Variants in MRPL37 observed in about 807,000 individuals in gnomAD.
MRPL37 encodes the protein large ribosomal subunit protein mL37.
MRPL37 carries 34 observed loss-of-function variants against 44.1 expected under a neutral mutation model. That is an observed-to-expected ratio of 0.77 (90% CI 0.59 to 1.03). MRPL37 has a LOEUF of 1.03. MRPL37 is among the 50% of genes least tolerant of loss of function. MRPL37 has a pLI of 0.00. For synonymous variants in MRPL37, 212 were observed against 219.5 expected (o/e 0.97, Z 0.30); for missense variants, 532 against 543.7 (o/e 0.98, Z 0.21).
intron 6 of MRPL37, among the ~76,000 whole-genome samples, chr1:54,217,689 T>C (rs1644207631): frequency 6.6e-6 from 1 of 152,220 alleles, no homozygotes; most frequent in Non-Finnish European, 1.5e-5. Flanking sequence ...TGCTTTCTTC[T>C]TTTTCCTACT....
rs755853293 is a variant in MRPL37 at position 54,209,991 on chromosome 1, G to A, written c.692G>A (p.Ser231Asn). The A allele has an allele frequency of 1.9e-6, 3 of 1,614,182 alleles. No individual in the cohort carries two copies. The South Asian group carries it at 3.3e-5, about 18-fold the overall frequency. The change falls in exon 4 of 7, where the codon AGC (serine) becomes AAC (asparagine). Residue 231 changes from serine to asparagine, a missense_variant. Coordinates refer to ENST00000360840, the MANE Select transcript of MRPL37 (RefSeq NM_016491.4). ...QVRGSGGARLSTKDPLPTIAS... is the reference protein window; with the variant it reads ...QVRGSGGARLNTKDPLPTIAS... ...CGTGGTTCTGGTGGAGCCCGACTGA[G>A]CACTAAGGATCCTCTGCCCACCATC...
At position 54,218,239 on chromosome 1, in the gene MRPL37, G is replaced by A. The variant is rs768008636; in HGVS notation, c.1262G>A (p.Gly421Asp). The change falls in exon 7 of 7, where the codon GGT (glycine) becomes GAT (aspartate). Residue 421 changes from glycine to aspartate, a missense_variant. Coordinates refer to ENST00000360840, the MANE Select transcript of MRPL37 (RefSeq NM_016491.4). ...FRKFLALYLH[G>D]AA is the part of the protein sequence containing the mutation. ...AAGTTTTTAGCTCTATATTTGCATG[G>A]TGCTGCGTGAGCGGAGGACCCCTCT... is the stretch of plus-strand genomic sequence containing the variant. 6.2e-7 allele frequency: 1 copy of A among 1,614,188 alleles called. No individual in the cohort carries two copies. The highest frequency in any genetic ancestry group is 1.7e-5 in the Admixed American group (1 of 60,032).
chr1:54,212,432 A>T (rs1261496557), intron 4 of MRPL37, 69 bp from the exon 5 acceptor site: 8 of 1,567,396 alleles, frequency 5.1e-6, no homozygotes, highest in Non-Finnish European at 7.0e-6. Context: ...AGGCGAGGTG[A>T]CTTTCCTGAG....
chr1:54,200,608 C>A lies in MRPL37; in HGVS notation c.346+19C>A. The A allele has an allele frequency of 1.9e-6, 3 of 1,572,596 alleles. No homozygotes were observed. Among genetic ancestry groups the A allele is most frequent in the Non-Finnish European group, 2.6e-6 (3 of 1,155,160 alleles). The stretch of plus-strand genomic sequence containing the variant: ...CTCGAGGGTGAGGCCCCAGGACGGG[C>A]GGCAAGGGACCGTGTTCCTCTAACC... On this transcript the variant is annotated intron_variant, in intron 1 of 6. Transcript: ENST00000360840.
chr1:54,218,401 G>C, downstream of MRPL37: 1 of 1,495,060 alleles, frequency 6.7e-7, no homozygotes, highest in Non-Finnish European at 8.8e-7. Context: ...TTTGGTATGA[G>C]GGTGCCATCG....
At chr1:54,208,899 C>G (rs1295896815) in intron 3 of MRPL37, among the ~76,000 whole-genome samples, 4 of 152,034 alleles carry the variant, frequency 2.6e-5, no homozygotes, top group African/African-American at 9.7e-5. Context: ...TAAGTAGAAG[C>G]CAGGATGCTG....
chr1:54,212,135 G>A (rs1644169546), intron 4 of MRPL37, among the ~76,000 whole-genome samples: 1 of 152,236 alleles, frequency 6.6e-6, no homozygotes, highest in Non-Finnish European at 1.5e-5. Flanking sequence ...AAGGTGTGGA[G>A]TTAGAACTAG....
At chr1:54,223,138 C>T (rs1644246631), downstream of MRPL37, among the ~76,000 whole-genome samples, 2 of 152,238 alleles carry the variant, frequency 1.3e-5, no homozygotes, top group South Asian at 2.1e-4. Context: ...CAGCACCCAC[C>T]CTCGTTGGTC....
rs1424176091 is a variant in MRPL37 at position 54,205,328 on chromosome 1, T to C, written c.564T>C (p.Cys188=). ...TCGTGGACAACCTAATACAGCTGTG[T>C]AAATCTCAGATTCTCAAGCATCCTT... The part of the protein sequence containing the change: ...PVIVDNLIQL[C]KSQILKHPSL... The change falls in exon 3 of 7, where the codon TGT becomes TGC. Residue 188 remains cysteine (C), a synonymous_variant. Coordinates refer to ENST00000360840, the MANE Select transcript of MRPL37 (RefSeq NM_016491.4). 2 of 1,614,176 alleles carry C rather than the reference T, an allele frequency of 1.2e-6. No homozygotes were observed.
Position 54,200,327 on chromosome 1 carries a change from C to G in MRPL37, c.84C>G (p.Arg28=), listed in dbSNP as rs756058171. The G allele has an allele frequency of 6.2e-7, 1 of 1,613,738 alleles. No individual in the cohort carries two copies. Among genetic ancestry groups the G allele is most frequent in the Non-Finnish European group, 8.5e-7 (1 of 1,179,904 alleles). Residue 28 remains arginine, a synonymous_variant, in exon 1 of 7, where the codon CGC becomes CGG. Transcript: ENST00000360840. ...LGLGGFGAPR[R]GAYEWGVRST... ...TTGGGGGCTTCGGGGCCCCGAGACG[C>G]GGGGCGTATGAGTGGGGCGTGCGCT...
chr1:54,200,336 T>G lies in MRPL37; in HGVS notation c.93T>G (p.Tyr31Ter), dbSNP rs1348014668. 1 of 1,613,972 alleles carries G rather than the reference T, an allele frequency of 6.2e-7. No individual in the cohort carries two copies. The highest frequency in any genetic ancestry group is 2.2e-5 in the East Asian group (1 of 44,870). ...GGFGAPRRGA[Y>*]EWGVRSTRKS... is the part of the protein sequence containing the mutation. ...TCGGGGCCCCGAGACGCGGGGCGTA[T>G]GAGTGGGGCGTGCGCTCCACGCGGA... Residue 31 changes from tyrosine (Y) to a stop codon, truncating the protein, a stop_gained, in exon 1 of 7, where the codon TAT becomes TAG. Coordinates refer to ENST00000360840, the MANE Select transcript of MRPL37 (RefSeq NM_016491.4). LOFTEE classifies it high-confidence loss of function.
chr1:54,210,234 C>G lies in MRPL37; in HGVS notation c.832+103C>G. On this transcript the variant is annotated intron_variant, in intron 4 of 6. Coordinates refer to ENST00000360840, the MANE Select transcript of MRPL37 (RefSeq NM_016491.4). ...AGAACTTGCTAGGTGCTAGGCACCTCGTGTGTATTACCTATCTCCTAGGAT... is the reference window on the plus strand; with the variant it reads ...AGAACTTGCTAGGTGCTAGGCACCTGGTGTGTATTACCTATCTCCTAGGAT... 5.5e-6 allele frequency: 6 copies of G among 1,099,988 alleles called. No individual in the cohort carries two copies. The South Asian group carries it at 8.9e-5, about 16-fold the overall frequency. 68.1% of individuals were successfully genotyped at this position (1,099,988 alleles called of 1,614,324 possible).
downstream of MRPL37, among the ~76,000 whole-genome samples, chr1:54,221,805 G>T (rs1267154446): frequency 6.6e-6 from 1 of 152,230 alleles, no homozygotes; most frequent in African/African-American, 2.4e-5. Flanking sequence ...GAGCCCTGAG[G>T]TCCCTCACCG....
At chr1:54,210,819 C>G in intron 4 of MRPL37, among the ~76,000 whole-genome samples, 1 of 152,210 alleles carries the variant, frequency 6.6e-6, no homozygotes, top group East Asian at 1.9e-4. Context: ...ACTATTTTCT[C>G]TCTGGTCCAT....
At position 54,200,583 on chromosome 1, in the gene MRPL37, C is replaced by A. The variant is rs776094949; in HGVS notation, c.340C>A (p.Leu114Ile). 2 of 1,593,462 alleles carry A rather than the reference C, an allele frequency of 1.3e-6. No homozygotes were observed. The highest frequency in any genetic ancestry group is 3.4e-5 in the Admixed American group (2 of 59,206). Reference sequence around the variant, plus strand: ...TATCTTTCACCACCGTTGCCGCCTTCTCGAGGGTGAGGCCCCAGGACGGGC... The same window carrying A: ...TATCTTTCACCACCGTTGCCGCCTTATCGAGGGTGAGGCCCCAGGACGGGC... The part of the protein sequence containing the change: ...CYIFHHRCRL[L>I]EGVKQALWLT... Residue 114 changes from leucine (L) to isoleucine (I), a missense_variant, in exon 1 of 7, where the codon CTC becomes ATC. Physicochemically the swap from Leu to Ile is conservative, Grantham distance 5. Transcript: ENST00000360840.
chr1:54,225,435 G>A (rs1030065168), downstream of MRPL37: 9 of 1,230,250 alleles, frequency 7.3e-6, no homozygotes, highest in South Asian at 8.2e-5. Context: ...GAAGGGCTGC[G>A]GAAAAAAGAT....
chr1:54,202,778 A>G (rs1644093981), intron 1 of MRPL37, among the ~76,000 whole-genome samples: 1 of 152,250 alleles, frequency 6.6e-6, no homozygotes, highest in Non-Finnish European at 1.5e-5. Context: ...GGTATGAGCC[A>G]CTGTGTCTGG....
downstream of MRPL37, chr1:54,218,500 G>C: frequency 2.3e-6 from 2 of 852,934 alleles, no homozygotes; most frequent in South Asian, 2.3e-5. Context: ...TGTGATCTTA[G>C]ATAAGGATCT....
chr1:54,209,627 T>G (rs1644149323), intron 3 of MRPL37, among the ~76,000 whole-genome samples: 1 of 151,912 alleles, frequency 6.6e-6, no homozygotes, highest in African/African-American at 2.4e-5. Context: ...GCCCGGCTAA[T>G]TTTTTGTGTT....
Sources: allele counts gnomAD v4.1 joint callset (sites outside exome capture counted in the v4.1 genomes callset), GRCh38; gene constraint gnomAD v4.1.1; transcripts MANE v1.5; gene names NCBI Gene and HGNC (gene_info 2026-07-23, HGNC 2026-07-21).